Variants in PIP4K2C observed in about 807,000 individuals in gnomAD.
PIP4K2C encodes phosphatidylinositol-5-phosphate 4-kinase type 2 gamma, also known as phosphatidylinositol 5-phosphate 4-kinase type-2 gamma.
PIP4K2C carries 21 observed loss-of-function variants against 45.0 expected under a neutral mutation model. That is an observed-to-expected ratio of 0.47 (90% CI 0.33 to 0.67). PIP4K2C has a LOEUF of 0.67. PIP4K2C is among the 30% of genes least tolerant of loss of function. PIP4K2C has a pLI of 0.02. For missense variants in PIP4K2C, 456 were observed against 542.8 expected (o/e 0.84, Z 1.59); for synonymous variants, 201 against 204.8 (o/e 0.98, Z 0.16).
At chr12:57,599,779 G>A (rs933860774) in intron 6 of PIP4K2C, among the ~76,000 whole-genome samples, 6 of 152,174 alleles carry the variant, frequency 3.9e-5, no homozygotes, top group Admixed American at 1.3e-4. Flanking sequence ...GACACAGGCC[G>A]GGCATGGTGG....
chr12:57,600,922 G>A lies in PIP4K2C; in HGVS notation c.925G>A (p.Val309Met), dbSNP rs1178225544. The change falls in exon 8 of 10, where the codon GTG becomes ATG. Residue 309 changes from valine (V) to methionine (M), a missense_variant. By Grantham distance (21) the Val-to-Met change is conservative. Around this residue, in one of 2 missense-constraint regions of PIP4K2C, gnomAD observed 421 missense variants for 473.1 expected, o/e 0.89. Transcript: ENST00000354947. ...GCCCGTGCGGGAGGATGAGTCAGAG[G>A]TGGATGGGGACTGCAGCCTGACTGG... ...EAPVREDESE[V>M]DGDCSLTGPP... The A allele has an allele frequency of 6.2e-7, 1 of 1,614,212 alleles. No individual in the cohort carries two copies. Among genetic ancestry groups the A allele is most frequent in the African/African-American group, 1.3e-5 (1 of 75,050 alleles).
Position 57,594,009 on chromosome 12 carries a change from T to C in PIP4K2C, c.175-16T>C, listed in dbSNP as rs1473442817. On this transcript the variant is annotated splice_polypyrimidine_tract_variant and intron_variant, in intron 1 of 9. Coordinates refer to ENST00000354947, the MANE Select transcript of PIP4K2C (RefSeq NM_024779.5). ...CCCTTCTTCATGGCTTCCCTATTCA[T>C]GGTTTGGCTTATCAGATCAATGAGC... is the stretch of plus-strand genomic sequence containing the variant. 2.1e-5 allele frequency: 34 copies of C among 1,608,882 alleles called. No individual in the cohort carries two copies. The highest frequency in any genetic ancestry group is 2.8e-5 in the Non-Finnish European group (33 of 1,176,080).
In PIP4K2C at chr12:57,591,656, G is replaced by C. The variant is rs554198326; in HGVS notation, c.174+193G>C. Among the ~76,000 whole-genome samples the C allele has an allele frequency of 3.9e-5, 6 of 152,316 alleles. No homozygotes were observed. In the South Asian group the frequency reaches 1.2e-3, roughly 32 times the overall value. On this transcript the variant is annotated intron_variant, in intron 1 of 9. Transcript: ENST00000354947. ...ACTGTGGACTTTTTTCTCCCCAACA[G>C]TTCTTTACTGCTCCACTCTAGTTCC...
intron 8 of PIP4K2C, 58 bp from the exon 9 acceptor site, chr12:57,601,187 T>C: frequency 1.3e-6 from 2 of 1,589,938 alleles, no homozygotes; most frequent in Non-Finnish European, 1.7e-6. Context: ...AACTGACTGC[T>C]TCCTGGAGAA....
intron 3 of PIP4K2C, among the ~76,000 whole-genome samples, chr12:57,595,628 G>T (rs1181521814): frequency 4.6e-5 from 7 of 150,902 alleles, no homozygotes; most frequent in Non-Finnish European, 1.5e-5. Context: ...ACCTGAACTT[G>T]GGAGGCGAAG....
chr12:57,594,894 C>T (rs539698414), intron 2 of PIP4K2C, among the ~76,000 whole-genome samples: 7 of 152,046 alleles, frequency 4.6e-5, no homozygotes, highest in Admixed American at 2.6e-4. Context: ...TGCTTGAACC[C>T]GGGGGATGGA....
At chr12:57,595,470 C>T (rs1565712467) in intron 3 of PIP4K2C, among the ~76,000 whole-genome samples, 1 of 152,150 alleles carries the variant, frequency 6.6e-6, no homozygotes, top group South Asian at 2.1e-4. Flanking sequence ...TTTGGGAGGC[C>T]GAGGCGGGCA....
chr12:57,601,531 G>A lies in PIP4K2C; in HGVS notation c.1191G>A (p.Gly397=). ...TTCCGTATCTCCTCTCACAGGCTGG[G>A]GCAGAGATCTCTACTGTCCATCCGG... ...HAAKTVKHGA[G]AEISTVHPEQ... The change falls in exon 10 of 10, where the codon GGG becomes GGA. Residue 397 remains glycine, a synonymous_variant. Transcript: ENST00000354947. The A allele has an allele frequency of 6.2e-7, 1 of 1,612,746 alleles. No homozygotes were observed. Among genetic ancestry groups the A allele is most frequent in the Non-Finnish European group, 8.5e-7 (1 of 1,178,796 alleles).
intron 9 of PIP4K2C, 50 bp from the exon 10 acceptor site, chr12:57,601,476 G>A: frequency 6.4e-7 from 1 of 1,563,232 alleles, no homozygotes; most frequent in Non-Finnish European, 8.8e-7. Context: ...GGGGTGATGG[G>A]GACGGGTGCT....
chr12:57,593,307 A>G (rs994420511), intron 1 of PIP4K2C, among the ~76,000 whole-genome samples: 1 of 152,202 alleles, frequency 6.6e-6, no homozygotes, highest in African/African-American at 2.4e-5. Context: ...CTGAATTAGC[A>G]GACTGCAGAT....
rs144143744 is a variant in PIP4K2C, at chr12:57,595,754, T to A, written c.370-134T>A. 1.0e-4 allele frequency: 97 copies of A among 932,446 alleles called. No homozygotes were observed. In the African/African-American group the frequency reaches 1.6e-3, roughly 15 times the overall value. 57.8% of individuals were successfully genotyped at this position (932,446 alleles called of 1,614,324 possible). ...CATTCAGTTTCCTTCAGTCCACATA[T>A]GGACACCTGATGAGGAACTGTGCTG... On this transcript the variant is annotated intron_variant, in intron 3 of 9. Transcript: ENST00000354947.
intron 3 of PIP4K2C, among the ~76,000 whole-genome samples, 198 bp from the exon 4 acceptor site, chr12:57,595,690 G>A (rs1027812166): frequency 2.3e-5 from 3 of 130,532 alleles, no homozygotes; most frequent in East Asian, 2.2e-4. Context: ...GTGACAGAGC[G>A]AGACTCCTTG....
intron 9 of PIP4K2C, 77 bp downstream of exon 9, chr12:57,601,425 G>A (rs974266261): frequency 6.5e-7 from 1 of 1,532,914 alleles, no homozygotes; most frequent in African/African-American, 1.4e-5. Flanking sequence ...CAGAGCAATG[G>A]GGTGGCAAAA....
intron 1 of PIP4K2C, 118 bp downstream of exon 1, chr12:57,591,581 G>T: frequency 2.4e-6 from 3 of 1,235,614 alleles, no homozygotes; most frequent in Non-Finnish European, 2.2e-6. Flanking sequence ...CCCCCGGGTT[G>T]TCTTGGTCCC....
intron 6 of PIP4K2C, 27 bp downstream of exon 6, chr12:57,599,465 G>A: frequency 1.2e-6 from 2 of 1,612,714 alleles, no homozygotes; most frequent in Non-Finnish European, 1.7e-6. Context: ...GTGCTAGGGT[G>A]AGGGATGAGG....
intron 1 of PIP4K2C, among the ~76,000 whole-genome samples, 173 bp from the exon 2 acceptor site, chr12:57,593,852 G>A (rs74903822): frequency 0.015 from 2,351 of 151,856 alleles, 28 homozygotes; most frequent in East Asian, 0.052. Context: ...GTCCTTCTTG[G>A]GCAGCAGAAG....
intron 2 of PIP4K2C, among the ~76,000 whole-genome samples, 172 bp from the exon 3 acceptor site, chr12:57,594,954 G>T (rs1347875257): frequency 6.6e-6 from 1 of 151,994 alleles, no homozygotes; most frequent in Non-Finnish European, 1.5e-5. Flanking sequence ...TGGCAACAGA[G>T]TGAGACTCTG....
chr12:57,593,462 CT>C (rs10713090), intron 1 of PIP4K2C, among the ~76,000 whole-genome samples: 143,362 of 152,102 alleles, frequency 0.94, 68,150 homozygotes, highest in East Asian at 1. Flanking sequence ...TACCTTACAC[CT>C]TAGACAGGTG....
Position 57,601,658 on chromosome 12 carries a change from TG to T in PIP4K2C, c.*57del, listed in dbSNP as rs769312249. 3 of 1,467,902 alleles carry T rather than the reference TG, an allele frequency of 2.0e-6. No individual in the cohort carries two copies. The highest frequency in any genetic ancestry group is 2.9e-6 in the Non-Finnish European group (3 of 1,046,868). The allele number at this position is 1,467,902 out of a possible 1,614,324, so 90.9% of individuals were successfully genotyped here. On this transcript the variant is annotated 3_prime_UTR_variant, in exon 10 of 10. Transcript: ENST00000354947. ...CAAGGTGGTGGGGTTCTGAGACACTTGGGGGAATTGTGGGGATATTCTAGCC... is the reference window on the plus strand; with the variant it reads ...CAAGGTGGTGGGGTTCTGAGACACTTGGGGAATTGTGGGGATATTCTAGCC...
Sources: gnomAD v4.1 joint callset for allele counts (sites outside exome capture counted in the v4.1 genomes callset) on GRCh38, gnomAD v4.1.1 for gene constraint, gnomAD v4.1.1 regional missense constraint, MANE v1.5 for transcripts, NCBI Gene and HGNC (gene_info 2026-07-23, HGNC 2026-07-21) for gene names.